Variants in OPRD1 observed in about 807,000 individuals in gnomAD.
OPRD1 encodes delta-type opioid receptor.
Under a neutral mutation model 17.5 loss-of-function variants are expected in OPRD1, and 19 were observed. The observed-to-expected ratio is 1.09, with a 90% CI of 0.76 to 1.60. The LOEUF (loss-of-function observed/expected upper bound fraction) is 1.60, where lower values mean the gene tolerates loss of function less well. Ranked by LOEUF, OPRD1 falls within the 40% of genes most tolerant of loss-of-function variation. OPRD1 has a pLI of 0.00. For synonymous variants in OPRD1, 256 were observed against 240.9 expected (o/e 1.06, Z -0.58); for missense variants, 483 against 547.2 (o/e 0.88, Z 1.17).
chr1:28,822,436 C>A (rs1238532670), intron 1 of OPRD1, among the ~76,000 whole-genome samples: 1 of 151,958 alleles, frequency 6.6e-6, no homozygotes, highest in Non-Finnish European at 1.5e-5. Context: ...CCCCTCTCAC[C>A]ATGGCTGAGA....
intron 1 of OPRD1, among the ~76,000 whole-genome samples, chr1:28,825,001 T>A (rs2088752269): frequency 6.6e-6 from 1 of 151,744 alleles, no homozygotes; most frequent in African/African-American, 2.4e-5. Context: ...CCGGCTAATT[T>A]TTTTTTGTAT....
rs1306523302 is a variant in OPRD1, at chr1:28,867,100, TG to T, written c.*3820del. 1 of 151,866 alleles carries T rather than the reference TG, an allele frequency of 6.6e-6. No homozygotes were observed. The highest frequency in any genetic ancestry group is 2.4e-5 in the African/African-American group (1 of 41,336). The allele number at this position is 151,866 out of a possible 1,614,324, so 9.4% of individuals were successfully genotyped here. The stretch of plus-strand genomic sequence containing the variant: ...ATAGCTCACTGCAGTCTCAAACTCC[TG>T]GGCTCAAGTGATCTTCCCACCTCAG... On this transcript the variant is annotated 3_prime_UTR_variant, in exon 3 of 3. Transcript: ENST00000234961.
At chr1:28,839,352 T>G (rs1173366427) in intron 1 of OPRD1, among the ~76,000 whole-genome samples, 1 of 152,170 alleles carries the variant, frequency 6.6e-6, no homozygotes, top group Non-Finnish European at 1.5e-5. Flanking sequence ...GTTGCTGGAG[T>G]TAGAGTCCCC....
intron 1 of OPRD1, among the ~76,000 whole-genome samples, chr1:28,858,160 C>T (rs1049157338): frequency 1.4e-5 from 2 of 140,004 alleles, no homozygotes; most frequent in Admixed American, 7.7e-5. Context: ...GTGGCCCAGG[C>T]GGGAGTGCAG....
chr1:28,866,589 T>G lies in OPRD1; in HGVS notation c.*3306T>G, dbSNP rs2089177028. The G allele has an allele frequency of 2.0e-5, 3 of 152,116 alleles. No individual in the cohort carries two copies. Among genetic ancestry groups the G allele is most frequent in the Admixed American group, 1.3e-4 (2 of 15,276 alleles). The allele number at this position is 152,116 out of a possible 1,614,324, so 9.4% of individuals were successfully genotyped here. A position where few individuals can be genotyped will look rare whatever the true frequency, so the allele number is the denominator to read the frequency against. Reference sequence around the variant, plus strand: ...AGAGGTCAGGCTACTTGCTCCTAAGTCACAGGGCCTGTTCGTAGTGGCAGA... The same window carrying G: ...AGAGGTCAGGCTACTTGCTCCTAAGGCACAGGGCCTGTTCGTAGTGGCAGA... On this transcript the variant is annotated 3_prime_UTR_variant, in exon 3 of 3. Transcript: ENST00000234961.
intron 1 of OPRD1, among the ~76,000 whole-genome samples, chr1:28,838,504 T>C (rs530194054): frequency 6.0e-4 from 91 of 152,250 alleles, no homozygotes; most frequent in Non-Finnish European, 1.1e-3. Context: ...CATCAGAGCC[T>C]CTTCCAGCAC....
intron 1 of OPRD1, among the ~76,000 whole-genome samples, chr1:28,823,585 G>T (rs929434852): frequency 7.2e-5 from 11 of 151,788 alleles, no homozygotes; most frequent in Non-Finnish European, 1.3e-4. Flanking sequence ...TTGTAGAGAC[G>T]GGGTTTCACC....
At chr1:28,851,013 G>C (rs1463432212) in intron 1 of OPRD1, among the ~76,000 whole-genome samples, 3 of 151,860 alleles carry the variant, frequency 2.0e-5, no homozygotes. Context: ...TATACTGAAG[G>C]ACATGAATCT....
In OPRD1 at chr1:28,864,902, T is replaced by C. The variant is rs2089162816; in HGVS notation, c.*1619T>C. The C allele has an allele frequency of 6.6e-6, 1 of 152,120 alleles. No individual in the cohort carries two copies. Among genetic ancestry groups the C allele is most frequent in the African/African-American group, 2.4e-5 (1 of 41,408 alleles). The allele number at this position is 152,120 out of a possible 1,614,324, so 9.4% of individuals were successfully genotyped here. A position where few individuals can be genotyped will look rare whatever the true frequency, so the allele number is the denominator to read the frequency against. On this transcript the variant is annotated 3_prime_UTR_variant, in exon 3 of 3. Transcript: ENST00000234961. ...GTCAATGACTCCAGTGAACTGGAAC[T>C]GCCCATATGGGGACCTGACCTTGAA...
chr1:28,818,234 G>A (rs1026612614), intron 1 of OPRD1, among the ~76,000 whole-genome samples: 7 of 152,158 alleles, frequency 4.6e-5, no homozygotes, highest in African/African-American at 7.2e-5. Flanking sequence ...TTGCCTGCAC[G>A]TGTACTCAGT....
At chr1:28,853,459 TG>T (rs1174533294) in intron 1 of OPRD1, among the ~76,000 whole-genome samples, 9 of 152,276 alleles carry the variant, frequency 5.9e-5, no homozygotes, top group African/African-American at 2.2e-4. Flanking sequence ...GTTAAACCAC[TG>T]GGATTTGGGT....
intron 1 of OPRD1, among the ~76,000 whole-genome samples, chr1:28,848,220 G>T (rs577607452): frequency 1.3e-5 from 2 of 150,844 alleles, no homozygotes; most frequent in African/African-American, 4.8e-5. Flanking sequence ...CTGCACTCTA[G>T]CCTGGACAGA....
chr1:28,850,825 T>TAAA (rs1435144121), intron 1 of OPRD1, among the ~76,000 whole-genome samples: 1 of 117,028 alleles, frequency 8.5e-6, no homozygotes, highest in Non-Finnish European at 1.7e-5. Context: ...ATAATAATAA[T>TAAA]AATAATAAAA....
chr1:28,858,270 C>T (rs1389015000), intron 1 of OPRD1, among the ~76,000 whole-genome samples: 2 of 151,062 alleles, frequency 1.3e-5, no homozygotes, highest in Non-Finnish European at 2.9e-5. Flanking sequence ...CCCACCATCA[C>T]GCCCGGCTAT....
At chr1:28,861,245 A>G (rs1373524053) in intron 2 of OPRD1, among the ~76,000 whole-genome samples, 1 of 152,066 alleles carries the variant, frequency 6.6e-6, no homozygotes, top group Non-Finnish European at 1.5e-5. Context: ...TAGCATTCCA[A>G]GAGATCCTGG....
intron 1 of OPRD1, among the ~76,000 whole-genome samples, chr1:28,829,530 G>A (rs2088794985): frequency 6.6e-6 from 1 of 151,906 alleles, no homozygotes; most frequent in African/African-American, 2.4e-5. Flanking sequence ...CACCACACCA[G>A]CTAATTTTTT....
chr1:28,862,528 G>A (rs1044029885), intron 2 of OPRD1, among the ~76,000 whole-genome samples: 5 of 152,222 alleles, frequency 3.3e-5, no homozygotes, highest in African/African-American at 1.2e-4. Flanking sequence ...CCTCCCTGAT[G>A]AGGGCCAATC....
chr1:28,846,793 G>A (rs1236425289), intron 1 of OPRD1, among the ~76,000 whole-genome samples: 3 of 151,300 alleles, frequency 2.0e-5, no homozygotes, highest in Non-Finnish European at 4.4e-5. Context: ...TATTTATTCA[G>A]AGTTGTATCA....
At chr1:28,842,022 CTTATTTTTATTT>C (rs1177110789) in intron 1 of OPRD1, among the ~76,000 whole-genome samples, 2 of 151,246 alleles carry the variant, frequency 1.3e-5, no homozygotes, top group East Asian at 2.0e-4. Flanking sequence ...TTGTGCCGGC[CTTATTTTTATTT>C]TTATTTTTAT....
Sources: gnomAD v4.1 joint callset for allele counts (sites outside exome capture counted in the v4.1 genomes callset) on GRCh38, gnomAD v4.1.1 for gene constraint, MANE v1.5 for transcripts, NCBI Gene and HGNC (gene_info 2026-07-23, HGNC 2026-07-21) for gene names.